KDM4C: variants seen among roughly 807,000 people sequenced by gnomAD.
The protein encoded by KDM4C is lysine demethylase 4C, also known as lysine-specific demethylase 4C.
Under a neutral mutation model 129.3 loss-of-function variants are expected in KDM4C, and 81 were observed. That is an observed-to-expected ratio of 0.63 (90% CI 0.52 to 0.75). The LOEUF (loss-of-function observed/expected upper bound fraction) is 0.75, where lower values mean the gene tolerates loss of function less well. KDM4C is among the 30% of genes least tolerant of loss of function. The pLI is 0.00. For synonymous variants in KDM4C, 573 were observed against 456.1 expected, an observed-to-expected ratio of 1.26 and a Z score of -3.26; for missense variants, 1,457 against 1,304.0, an observed-to-expected ratio of 1.12 and a Z score of -1.81.
chr9:7,089,283 T>G (rs1390614143), intron 17 of KDM4C, among the ~76,000 whole-genome samples: 1 of 152,202 alleles, frequency 6.6e-6, no homozygotes, highest in African/African-American at 2.4e-5. Flanking sequence ...TCATCATATG[T>G]TCCTCCATAG....
intron 19 of KDM4C, among the ~76,000 whole-genome samples, chr9:7,153,264 G>T (rs1046675290): frequency 9.2e-5 from 14 of 152,118 alleles, no homozygotes; most frequent in African/African-American, 2.9e-4. Flanking sequence ...TTAAGTGTTT[G>T]CATTCTTTGC....
At chr9:6,807,237 A>G (rs1051949218) in intron 3 of KDM4C, among the ~76,000 whole-genome samples, 5 of 152,036 alleles carry the variant, frequency 3.3e-5, no homozygotes, top group African/African-American at 7.2e-5. Context: ...TCGGCTCACT[A>G]TAACCTCCCA....
chr9:6,816,031 A>C (rs11792483), intron 4 of KDM4C, among the ~76,000 whole-genome samples: 1 of 152,128 alleles, frequency 6.6e-6, no homozygotes. Context: ...ACCATATTCA[A>C]ATTTTCCCAG....
intron 4 of KDM4C, among the ~76,000 whole-genome samples, chr9:6,834,157 G>T (rs1208572836): frequency 1.3e-5 from 2 of 150,302 alleles, no homozygotes; most frequent in East Asian, 2.0e-4. Context: ...TGGTGCCCCA[G>T]TCTCCCAAAA....
At chr9:7,045,273 A>G (rs907091381) in intron 15 of KDM4C, among the ~76,000 whole-genome samples, 1 of 151,914 alleles carries the variant, frequency 6.6e-6, no homozygotes, top group African/African-American at 2.4e-5. Flanking sequence ...TGCTACTTTC[A>G]TTAATCAGAC....
chr9:6,787,528 C>G (rs1825735910), intron 1 of KDM4C, among the ~76,000 whole-genome samples: 1 of 152,258 alleles, frequency 6.6e-6, no homozygotes, highest in South Asian at 2.1e-4. Context: ...CCACCACGCC[C>G]AGGCCCAGAG....
intron 1 of KDM4C, chr9:6,721,060 T>C (rs770730851): frequency 7.3e-7 from 1 of 1,375,546 alleles, no homozygotes; most frequent in Non-Finnish European, 1.0e-6. Context: ...CTGTCACACT[T>C]AAAGCAATGT....
chr9:6,969,598 C>A (rs1284566557), intron 8 of KDM4C, among the ~76,000 whole-genome samples: 1 of 152,186 alleles, frequency 6.6e-6, no homozygotes. Context: ...ACATGACTGT[C>A]TTACCTGATA....
chr9:6,798,098 A>C (rs1415331678), intron 2 of KDM4C, among the ~76,000 whole-genome samples: 2 of 152,218 alleles, frequency 1.3e-5, no homozygotes, highest in Non-Finnish European at 2.9e-5. Flanking sequence ...TTCTGAAAAT[A>C]TATTCCATTT....
At chr9:6,818,089 C>T (rs80271925) in intron 4 of KDM4C, among the ~76,000 whole-genome samples, 6,649 of 152,106 alleles carry the variant, frequency 0.044, 201 homozygotes, top group East Asian at 0.15. Context: ...TTATGATTTC[C>T]TTTTGGTCTT....
At chr9:6,857,202 G>A (rs559412830) in intron 5 of KDM4C, among the ~76,000 whole-genome samples, 1 of 152,272 alleles carries the variant, frequency 6.6e-6, no homozygotes, top group East Asian at 1.9e-4. Flanking sequence ...GGAGGCCAAG[G>A]CAGAAGGATT....
chr9:6,844,648 A>G lies in KDM4C; in HGVS notation c.436-4859A>G, dbSNP rs116905082. Among the ~76,000 whole-genome samples, 334 of 152,330 alleles carry G rather than the reference A, an allele frequency of 2.2e-3. 3 individuals carry two copies. Among genetic ancestry groups the G allele is most frequent in the East Asian group, 0.012 (62 of 5,186 alleles). On this transcript the variant is annotated intron_variant, in intron 4 of 21. Transcript: ENST00000381309. The stretch of plus-strand genomic sequence containing the variant: ...TGTGACTGTCTTAAGAGCTAGAGTT[A>G]AAGAGGACAAAGTTTTTCGACCTTG...
At chr9:6,962,078 G>T (rs900461437) in intron 8 of KDM4C, among the ~76,000 whole-genome samples, 6 of 152,180 alleles carry the variant, frequency 3.9e-5, no homozygotes, top group African/African-American at 1.4e-4. Flanking sequence ...GATACAAGAG[G>T]AGCACCAGGG....
At chr9:7,017,688 G>A (rs937103514) in intron 15 of KDM4C, among the ~76,000 whole-genome samples, 2 of 152,146 alleles carry the variant, frequency 1.3e-5, no homozygotes, top group Admixed American at 6.5e-5. Context: ...TGATCTCAGA[G>A]CAGGTGCTCA....
rs143540646 is a variant in KDM4C at position 6,747,382 on chromosome 9, C to T, written c.49+26385C>T. 7.5e-3 allele frequency among the ~76,000 whole-genome samples: 1,138 copies of T among 151,664 alleles called. 22 individuals are homozygous for T. Among genetic ancestry groups the T allele is most frequent in the African/African-American group, 0.026 (1,059 of 41,340 alleles). On this transcript the variant is annotated intron_variant, in intron 1 of 17. Transcript: ENST00000536108. ...CTAATACGGTGAAACCCCGTCTCTA[C>T]TAAAAATACATAAAAATTAGCTGGG...
chr9:7,009,322 A>AT (rs1442049390), intron 12 of KDM4C, among the ~76,000 whole-genome samples: 1 of 152,252 alleles, frequency 6.6e-6, no homozygotes, highest in East Asian at 1.9e-4. Context: ...TCTGCTAATA[A>AT]TTTTTTTCAT....
chr9:6,959,215 G>T (rs1321982908), intron 8 of KDM4C, among the ~76,000 whole-genome samples: 1 of 152,156 alleles, frequency 6.6e-6, no homozygotes, highest in Non-Finnish European at 1.5e-5. Flanking sequence ...TTTCTTCATG[G>T]TTTTATCGTC....
intron 12 of KDM4C, among the ~76,000 whole-genome samples, chr9:7,008,987 A>G (rs557647036): frequency 7.9e-4 from 121 of 152,360 alleles, no homozygotes; most frequent in Middle Eastern, 3.4e-3. Context: ...ATCATGAATA[A>G]TCAGGGAAAC....
intron 4 of KDM4C, among the ~76,000 whole-genome samples, chr9:6,816,895 C>A (rs1176993843): frequency 6.8e-6 from 1 of 146,350 alleles, no homozygotes; most frequent in Non-Finnish European, 1.5e-5. Flanking sequence ...TTTAGTGATT[C>A]TTACTGGTTT....
Sources: allele counts gnomAD v4.1 joint callset (sites outside exome capture counted in the v4.1 genomes callset), GRCh38; gene constraint gnomAD v4.1.1; transcripts MANE v1.5; gene names NCBI Gene and HGNC (gene_info 2026-07-23, HGNC 2026-07-21).